EPB41L3: variants seen among roughly 807,000 people sequenced by gnomAD.
The protein encoded by EPB41L3 is erythrocyte membrane protein band 4.1 like 3.
EPB41L3 carries 57 observed loss-of-function variants against 127.1 expected under a neutral mutation model. The observed-to-expected ratio is 0.45, with a 90% confidence interval of 0.36 to 0.56. The LOEUF is 0.56. Among genes scored for constraint, EPB41L3 ranks in the 20% least tolerant of loss-of-function variants. The pLI is 0.00. For synonymous variants in EPB41L3, 572 were observed against 549.5 expected (o/e 1.04, Z -0.57); for missense variants, 1,273 against 1,372.2 (o/e 0.93, Z 1.14).
At chr18:5,528,573 C>T (rs1375377769) in intron 1 of EPB41L3, among the ~76,000 whole-genome samples, 1 of 152,040 alleles carries the variant, frequency 6.6e-6, no homozygotes, top group East Asian at 1.9e-4. Context: ...TAATTTTCAA[C>T]CCCATTCCTG....
intron 1 of EPB41L3, among the ~76,000 whole-genome samples, chr18:5,518,893 G>A (rs1053127327): frequency 1.3e-5 from 2 of 152,098 alleles, no homozygotes; most frequent in African/African-American, 4.8e-5. Context: ...AAAAGATTTG[G>A]GCTTTTTCTT....
At position 5,397,358 on chromosome 18, in the gene EPB41L3, G is replaced by C; in HGVS notation, c.2541C>G (p.Ser847Arg). ...TEPTVHHLPLSTEKVVQETVL... is the reference protein window; with the variant it reads ...TEPTVHHLPLRTEKVVQETVL... The stretch of plus-strand genomic sequence containing the variant: ...CGGTCTCCTGCACCACCTTCTCAGT[G>C]CTAAGCGGCAGGTGGTGCACGGTGG... The change falls in exon 18 of 23, where the codon AGC becomes AGG. Residue 847 changes from serine (S) to arginine (R), a missense_variant. By Grantham distance (110) the Ser-to-Arg change is moderately radical (BLOSUM62 -1). This residue lies in a region of EPB41L3 where 765 missense variants were observed against 782.9 expected (regional missense o/e 0.98). Transcript: ENST00000341928. This position sits in a 1 kb window ranked among gnomAD's most constrained non-coding sequence, Gnocchi z 4.1. 1 of 1,614,026 alleles carries C rather than the reference G, an allele frequency of 6.2e-7. No homozygotes were observed. The highest frequency in any genetic ancestry group is 8.5e-7 in the Non-Finnish European group (1 of 1,180,040).
intron 21 of EPB41L3, 32 bp from the exon 22 acceptor site, chr18:5,394,825 C>G: frequency 6.2e-7 from 1 of 1,600,958 alleles, no homozygotes; most frequent in Non-Finnish European, 8.5e-7. Context: ...AGGGCAGAAA[C>G]AAAAAGGAGG....
At chr18:5,628,147 C>T (rs2144358968) in intron 1 of EPB41L3, among the ~76,000 whole-genome samples, 1 of 152,344 alleles carries the variant, frequency 6.6e-6, no homozygotes, top group African/African-American at 2.4e-5. Flanking sequence ...AGGGGCAAGT[C>T]TTGCGGGGCC....
At chr18:5,530,435 C>T (rs1030543778) in intron 1 of EPB41L3, among the ~76,000 whole-genome samples, 2 of 152,070 alleles carry the variant, frequency 1.3e-5, no homozygotes, top group African/African-American at 4.8e-5. Flanking sequence ...ATTAAAAGTA[C>T]ATCTGACCAC....
At chr18:5,405,145 T>A (rs931385755) in intron 16 of EPB41L3, among the ~76,000 whole-genome samples, 2 of 152,216 alleles carry the variant, frequency 1.3e-5, no homozygotes, top group African/African-American at 4.8e-5. Context: ...AGTTCTTGAT[T>A]ACTTTTGATA....
intron 1 of EPB41L3, among the ~76,000 whole-genome samples, chr18:5,518,762 A>G (rs1779786205): frequency 6.6e-6 from 1 of 152,194 alleles, no homozygotes; most frequent in Non-Finnish European, 1.5e-5. Flanking sequence ...GAGATTGGTG[A>G]GGTCAGTCCC....
intron 3 of EPB41L3, among the ~76,000 whole-genome samples, chr18:5,595,635 C>A (rs867535545): frequency 6.6e-6 from 1 of 152,134 alleles, no homozygotes; most frequent in Non-Finnish European, 1.5e-5. Context: ...TAGGATGCAT[C>A]CCACCCCAGC....
chr18:5,557,935 G>A lies in EPB41L3; in HGVS notation c.-306+54405C>T, dbSNP rs149402929. Among the ~76,000 whole-genome samples, 274 of 152,336 alleles carry A rather than the reference G, an allele frequency of 1.8e-3. 5 individuals carry two copies. Among genetic ancestry groups the A allele is most frequent in the Admixed American group, 9.8e-3 (150 of 15,306 alleles). Reference sequence around the variant, plus strand: ...AAACTCAACTAAATTCTTTAGAATAGTTTAATGTACTAGTTTGGAAGGGAC... The same window carrying A: ...AAACTCAACTAAATTCTTTAGAATAATTTAATGTACTAGTTTGGAAGGGAC... On this transcript the variant is annotated intron_variant, in intron 3 of 21. Coordinates refer to the EPB41L3 transcript ENST00000545076.
At chr18:5,446,397 T>C (rs1331603809) in intron 3 of EPB41L3, among the ~76,000 whole-genome samples, 1 of 152,232 alleles carries the variant, frequency 6.6e-6, no homozygotes, top group African/African-American at 2.4e-5. Context: ...TTTTTTCACC[T>C]AATCCTTCAA....
chr18:5,403,372 A>G (rs2074823598), intron 16 of EPB41L3, among the ~76,000 whole-genome samples: 1 of 152,216 alleles, frequency 6.6e-6, no homozygotes, highest in Non-Finnish European at 1.5e-5. Context: ...GGAAACAAAC[A>G]TAAAATTCTC....
At chr18:5,399,888 T>C (rs1049457405) in intron 16 of EPB41L3, 2 of 152,322 alleles carry the variant, frequency 1.3e-5, no homozygotes, top group African/African-American at 2.4e-5. Context: ...AATGAATCCA[T>C]AATAGCACTT....
At chr18:5,564,605 G>A (rs2094174694) in intron 3 of EPB41L3, among the ~76,000 whole-genome samples, 1 of 151,982 alleles carries the variant, frequency 6.6e-6, no homozygotes, top group Non-Finnish European at 1.5e-5. Flanking sequence ...TGAACTGAGG[G>A]CTTCTCCTTC....
At position 5,497,916 on chromosome 18, in the gene EPB41L3, A is replaced by G. The variant is rs533079007; in HGVS notation, c.-11-8722T>C. On this transcript the variant is annotated intron_variant, in intron 1 of 22. Transcript: ENST00000341928. ...TCTGTACTTACACATTTGTTTCGAC[A>G]TAATTTGGCAGAGAATTTTAGTCTC... 1.4e-4 allele frequency among the ~76,000 whole-genome samples: 22 copies of G among 152,334 alleles called. No individual in the cohort carries two copies. In the East Asian group the frequency reaches 4.1e-3, roughly 28 times the overall value.
intron 3 of EPB41L3, among the ~76,000 whole-genome samples, chr18:5,570,575 C>CTTTTCTTTTATTTTA (rs1219530642): frequency 1.3e-5 from 2 of 151,702 alleles, no homozygotes; most frequent in Non-Finnish European, 2.9e-5. Context: ...TTTTCTTTTT[C>CTTTTCTTTTATTTTA]TTTTCTTTTA....
chr18:5,424,930 C>T (rs759824220), intron 9 of EPB41L3, among the ~76,000 whole-genome samples: 1 of 152,118 alleles, frequency 6.6e-6, no homozygotes, highest in Non-Finnish European at 1.5e-5. Flanking sequence ...CTATATCATA[C>T]GTAAGATCAG....
chr18:5,610,052 A>C, intron 3 of EPB41L3: 1 of 970,102 alleles, frequency 1.0e-6, no homozygotes, highest in Non-Finnish European at 1.2e-6. Context: ...GGGATGCTGA[A>C]GATAGTTTCC....
chr18:5,604,286 G>T (rs184496306), intron 3 of EPB41L3, among the ~76,000 whole-genome samples: 2 of 151,716 alleles, frequency 1.3e-5, no homozygotes, highest in Non-Finnish European at 2.9e-5. Flanking sequence ...AGCAGCAACA[G>T]TGGTGCTGTC....
chr18:5,486,093 C>T (rs182070361), intron 2 of EPB41L3, among the ~76,000 whole-genome samples: 29 of 152,150 alleles, frequency 1.9e-4, no homozygotes, highest in Admixed American at 9.8e-4. Context: ...TCAAAATTTA[C>T]TACAAAGCTA....
Sources: gnomAD v4.1 joint callset for allele counts (sites outside exome capture counted in the v4.1 genomes callset) on GRCh38, gnomAD v4.1.1 for gene constraint, gnomAD v4.1.1 regional missense constraint, Gnocchi (gnomAD v3.1) non-coding constraint, MANE v1.5 for transcripts, NCBI Gene and HGNC (gene_info 2026-07-23, HGNC 2026-07-21) for gene names.